The following PCDH15 variants were observed in gnomAD, a reference collection of about 807,000 sequenced individuals.
The protein encoded by PCDH15 is protocadherin-15.
Under a neutral mutation model 178.5 loss-of-function variants are expected in PCDH15, and 129 were observed. The observed-to-expected ratio is 0.72, with a 90% CI of 0.63 to 0.84. PCDH15 has a LOEUF of 0.84. PCDH15 is among the 40% of genes least tolerant of loss of function. The pLI is 0.00. For missense variants in PCDH15, 2,230 were observed against 2,099.9 expected, an observed-to-expected ratio of 1.06 and a Z score of -1.21; for synonymous variants, 800 against 732.0, an observed-to-expected ratio of 1.09 and a Z score of -1.50.
intron 2 of PCDH15, among the ~76,000 whole-genome samples, chr10:55,554,338 A>C (rs1842050305): frequency 6.6e-6 from 1 of 152,038 alleles, no homozygotes; most frequent in African/African-American, 2.4e-5. Context: ...AGGTTTTTTA[A>C]ATTTATTAAT....
At chr10:54,834,090 A>T (rs1274612405) in intron 3 of PCDH15, among the ~76,000 whole-genome samples, 4 of 152,136 alleles carry the variant, frequency 2.6e-5, no homozygotes, top group Non-Finnish European at 4.4e-5. Context: ...TAAAATGGAG[A>T]TGTTAATAAT....
Position 54,664,221 on chromosome 10 carries a change from C to A in PCDH15, c.42G>T (p.Gly14=), listed in dbSNP as rs1043975803. ...QFYLWTCLAS[G]IILGSLFEIC... ...TTTCAAAGAGAGAGCCCAGGATGATCCCTGAAGCTAAACATGTCCAGAGAT... is the reference window on the plus strand; with the variant it reads ...TTTCAAAGAGAGAGCCCAGGATGATACCTGAAGCTAAACATGTCCAGAGAT... Residue 14 remains glycine (G), a synonymous_variant, in exon 2 of 38, where the codon GGG becomes GGT. Coordinates refer to ENST00000644397, the MANE Select transcript of PCDH15 (RefSeq NM_001384140.1). The A allele has an allele frequency of 1.2e-5, 19 of 1,612,180 alleles. No homozygotes were observed. The highest frequency in any genetic ancestry group is 1.6e-5 in the Non-Finnish European group (19 of 1,178,832).
At chr10:55,343,801 C>T (rs968629555) in intron 2 of PCDH15, among the ~76,000 whole-genome samples, 16 of 152,096 alleles carry the variant, frequency 1.1e-4, no homozygotes, top group African/African-American at 3.9e-4. Flanking sequence ...AACTATTGAA[C>T]ACATATTACG....
intron 2 of PCDH15, among the ~76,000 whole-genome samples, chr10:55,534,561 A>C (rs1204391053): frequency 6.6e-6 from 1 of 152,140 alleles, no homozygotes; most frequent in African/African-American, 2.4e-5. Flanking sequence ...TGAAAAAGTT[A>C]AGAAGAAACA....
At chr10:54,204,281 A>G (rs2050551680) in intron 10 of PCDH15, among the ~76,000 whole-genome samples, 1 of 152,110 alleles carries the variant, frequency 6.6e-6, no homozygotes, top group African/African-American at 2.4e-5. Flanking sequence ...CAGTACAGAA[A>G]AATAGAAGGA....
intron 1 of PCDH15, among the ~76,000 whole-genome samples, chr10:55,191,175 A>G (rs1351967907): frequency 6.6e-6 from 1 of 151,636 alleles, no homozygotes; most frequent in Non-Finnish European, 1.5e-5. Context: ...TCTGATTTTC[A>G]GTCCCTATTG....
intron 6 of PCDH15, among the ~76,000 whole-genome samples, chr10:54,334,682 A>AACACACACACACAC (rs3069761): frequency 2.0e-5 from 3 of 150,160 alleles, no homozygotes; most frequent in South Asian, 2.1e-4. Flanking sequence ...ATTTCTAAAG[A>AACACACACACACAC]ACACACACAC....
chr10:54,341,803 G>A (rs886464006), intron 6 of PCDH15, among the ~76,000 whole-genome samples: 2 of 152,142 alleles, frequency 1.3e-5, no homozygotes, highest in Admixed American at 6.5e-5. Context: ...TTGGGAACTG[G>A]AGCAAAAGTC....
intron 14 of PCDH15, among the ~76,000 whole-genome samples, chr10:54,148,059 G>T (rs1227876743): frequency 2.6e-5 from 4 of 152,080 alleles, no homozygotes; most frequent in African/African-American, 9.6e-5. Flanking sequence ...AGCTAGCAAG[G>T]TATCTGGTCC....
chr10:54,118,647 G>T (rs534731508), intron 15 of PCDH15, among the ~76,000 whole-genome samples: 29 of 151,864 alleles, frequency 1.9e-4, no homozygotes, highest in Non-Finnish European at 2.6e-4. Flanking sequence ...GCAACAGAGT[G>T]AGACTCTGTG....
At chr10:54,272,346 T>C (rs1217885819) in intron 8 of PCDH15, among the ~76,000 whole-genome samples, 1 of 151,918 alleles carries the variant, frequency 6.6e-6, no homozygotes, top group Non-Finnish European at 1.5e-5. Flanking sequence ...GGACTCCCAC[T>C]GTTTCAACAA....
At chr10:55,468,464 G>A (rs1839887059) in intron 2 of PCDH15, 1 of 152,132 alleles carries the variant, frequency 6.6e-6, no homozygotes, top group East Asian at 1.9e-4. Context: ...TAACTTGTGG[G>A]CGAAAAATTG....
At chr10:54,371,912 C>CCCA (rs1947734118) in intron 4 of PCDH15, among the ~76,000 whole-genome samples, 1 of 151,654 alleles carries the variant, frequency 6.6e-6, no homozygotes, top group African/African-American at 2.4e-5. Context: ...ATAGAACAGA[C>CCCA]TATTCTATAA....
intron 2 of PCDH15, among the ~76,000 whole-genome samples, chr10:55,108,297 A>C (rs775785226): frequency 2.6e-5 from 4 of 152,222 alleles, no homozygotes; most frequent in Non-Finnish European, 5.9e-5. Context: ...AAAGGCCCTA[A>C]GTATGCATGT....
chr10:54,447,457 A>T (rs2076214539), intron 3 of PCDH15, among the ~76,000 whole-genome samples: 1 of 151,260 alleles, frequency 6.6e-6, no homozygotes, highest in African/African-American at 2.4e-5. Flanking sequence ...ACTTATTTAA[A>T]CTCTACATAT....
intron 2 of PCDH15, among the ~76,000 whole-genome samples, chr10:54,579,548 C>T (rs1212361057): frequency 6.6e-6 from 1 of 152,022 alleles, no homozygotes; most frequent in African/African-American, 2.4e-5. Flanking sequence ...GAGACCTCAA[C>T]ACATCAATGA....
In PCDH15 at chr10:54,273,769, A is replaced by G. The variant is rs190230705; in HGVS notation, c.877-36838T>C. ...ACTTTAAGCAAGAACTCTCAGTTATAACTGCTTGCAATTTTAGAGGATAAC... is the reference window on the plus strand; with the variant it reads ...ACTTTAAGCAAGAACTCTCAGTTATGACTGCTTGCAATTTTAGAGGATAAC... On this transcript the variant is annotated intron_variant, in intron 8 of 37. Coordinates refer to ENST00000644397, the MANE Select transcript of PCDH15 (RefSeq NM_001384140.1). 2.9e-3 allele frequency among the ~76,000 whole-genome samples: 439 copies of G among 152,238 alleles called. 1 individual carries two copies. Among genetic ancestry groups the G allele is most frequent in the Non-Finnish European group, 4.5e-3 (309 of 68,008 alleles).
intron 1 of PCDH15, among the ~76,000 whole-genome samples, chr10:55,287,214 T>C (rs1231225183): frequency 6.6e-6 from 1 of 152,070 alleles, no homozygotes; most frequent in East Asian, 1.9e-4. Flanking sequence ...AAGTTGAAGA[T>C]GCAATGAGTC....
At chr10:55,587,925 A>G (rs776463643) in intron 2 of PCDH15, among the ~76,000 whole-genome samples, 6 of 152,174 alleles carry the variant, frequency 3.9e-5, no homozygotes, top group Non-Finnish European at 7.3e-5. Context: ...AAAGAATAAG[A>G]GGGAAAAAGA....
Sources: allele counts gnomAD v4.1 joint callset (sites outside exome capture counted in the v4.1 genomes callset), GRCh38; gene constraint gnomAD v4.1.1; transcripts MANE v1.5; gene names NCBI Gene and HGNC (gene_info 2026-07-23, HGNC 2026-07-21).